The following ST7 variants were observed in gnomAD, a reference collection of about 807,000 sequenced individuals.
The protein encoded by ST7 is suppression of tumorigenicity 7, also known as suppressor of tumorigenicity 7 protein.
Under a neutral mutation model 78.7 loss-of-function variants are expected in ST7, and 28 were observed. The ratio of observed to expected loss-of-function variants is 0.36; its 90% CI spans 0.26 to 0.49. The LOEUF (loss-of-function observed/expected upper bound fraction) is 0.49. Among genes scored for constraint, ST7 ranks in the 20% least tolerant of loss-of-function variants. The pLI is 0.99. For missense variants in ST7, 418 were observed against 696.0 expected (o/e 0.60, Z 4.49); for synonymous variants, 247 against 249.6 (o/e 0.99, Z 0.10).
intron 2 of ST7, among the ~76,000 whole-genome samples, chr7:117,109,751 C>T (rs1396253500): frequency 1.3e-5 from 2 of 152,146 alleles, no homozygotes; most frequent in South Asian, 2.1e-4. Context: ...AATAAAACTA[C>T]AGATCAATAT....
intron 1 of ST7, chr7:116,972,918 C>T (rs1793505850): frequency 2.3e-6 from 3 of 1,313,598 alleles, no homozygotes; most frequent in South Asian, 2.4e-5. Context: ...CCATGGTGCC[C>T]ACTCAGCTAC....
intron 1 of ST7, chr7:116,972,648 C>T: frequency 3.4e-6 from 4 of 1,182,858 alleles, no homozygotes; most frequent in East Asian, 4.7e-5. Context: ...TCATACCTCT[C>T]TCACTCTCAT....
chr7:117,217,300 C>CA (rs899414755), intron 13 of ST7, among the ~76,000 whole-genome samples: 164 of 138,862 alleles, frequency 1.2e-3, no homozygotes, highest in East Asian at 0.01. Context: ...AAAAAAAAAA[C>CA]AAAAAAAAAA....
intron 10 of ST7, among the ~76,000 whole-genome samples, chr7:117,178,333 C>G (rs1344197678): frequency 6.6e-6 from 1 of 152,018 alleles, no homozygotes; most frequent in Non-Finnish European, 1.5e-5. Context: ...TGTTAAAAAA[C>G]AAAAATACAA....
At chr7:117,066,774 A>G (rs935921392) in intron 1 of ST7, among the ~76,000 whole-genome samples, 2 of 151,804 alleles carry the variant, frequency 1.3e-5, no homozygotes, top group African/African-American at 4.8e-5. Flanking sequence ...CAAAAAAAAA[A>G]AAAAAAAAAA....
At position 117,107,660 on chromosome 7, in the gene ST7, C is replaced by T. The variant is rs376082836; in HGVS notation, c.234+7816C>T. Among the ~76,000 whole-genome samples the T allele has an allele frequency of 7.9e-5, 10 of 127,150 alleles. No homozygotes were observed. The East Asian group carries it at 2.1e-3, about 27-fold the overall frequency. 83.4% of individuals were successfully genotyped at this position (127,150 alleles called of 152,430 possible). On this transcript the variant is annotated intron_variant, in intron 2 of 15. Coordinates refer to ENST00000323984, the MANE Select transcript of ST7 (RefSeq NM_001369598.1). ...AGAATTTTCACTCTTGTTGCCCAGG[C>T]TGGAGTGCAATGGCACAATCTCGGC...
chr7:117,151,559 A>G (rs1485089125), intron 9 of ST7, among the ~76,000 whole-genome samples: 1 of 151,524 alleles, frequency 6.6e-6, no homozygotes, highest in African/African-American at 2.4e-5. Flanking sequence ...TTTCTTATCT[A>G]TTTTTCTTAT....
chr7:117,177,580 T>C (rs553186132), intron 10 of ST7, among the ~76,000 whole-genome samples: 1 of 152,328 alleles, frequency 6.6e-6, no homozygotes, highest in South Asian at 2.1e-4. Context: ...TTTGGCTTTG[T>C]AGCGTAAGAC....
chr7:117,059,698 C>T (rs768024704), intron 1 of ST7, among the ~76,000 whole-genome samples: 6 of 148,882 alleles, frequency 4.0e-5, no homozygotes, highest in Non-Finnish European at 7.4e-5. Flanking sequence ...TGGCCAGGCA[C>T]GGTGGCTTTT....
At chr7:117,034,346 A>G (rs1366375815) in intron 1 of ST7, among the ~76,000 whole-genome samples, 1 of 152,200 alleles carries the variant, frequency 6.6e-6, no homozygotes. Flanking sequence ...GTTATTGCTT[A>G]TCCTTCCAAT....
At chr7:116,962,752 G>T in intron 1 of ST7, among the ~76,000 whole-genome samples, 1 of 152,172 alleles carries the variant, frequency 6.6e-6, no homozygotes, top group Admixed American at 6.5e-5. Flanking sequence ...TCACTCTGAT[G>T]ATAGTTTCTT....
chr7:117,194,138 A>G (rs965997243), intron 12 of ST7, among the ~76,000 whole-genome samples: 3 of 152,192 alleles, frequency 2.0e-5, no homozygotes, highest in South Asian at 2.1e-4. Flanking sequence ...GAATTTCTGA[A>G]GTATTAGATT....
intron 1 of ST7, among the ~76,000 whole-genome samples, chr7:116,980,465 C>T (rs541800853): frequency 4.5e-4 from 69 of 152,206 alleles, no homozygotes; most frequent in Non-Finnish European, 7.8e-4. Context: ...ACTTTTCCCT[C>T]GAGAGTTTTA....
At chr7:117,223,546 C>G (rs1277719662) in intron 15 of ST7, 1 of 156,646 alleles carries the variant, frequency 6.4e-6, no homozygotes, top group Non-Finnish European at 1.4e-5. Flanking sequence ...CCCAGATGTA[C>G]CAGGCTCTCG....
intron 9 of ST7, among the ~76,000 whole-genome samples, chr7:117,151,260 G>A (rs937425147): frequency 1.3e-5 from 2 of 152,178 alleles, no homozygotes; most frequent in African/African-American, 2.4e-5. Context: ...TGTGGTCTGC[G>A]AGGCCTCACA....
intron 1 of ST7, among the ~76,000 whole-genome samples, chr7:116,988,948 A>G (rs1450961652): frequency 6.6e-6 from 1 of 152,218 alleles, no homozygotes; most frequent in Non-Finnish European, 1.5e-5. Flanking sequence ...GGACACAAAA[A>G]TGATTTAGAT....
At chr7:116,959,577 A>C in intron 1 of ST7, 1 of 196,138 alleles carries the variant, frequency 5.1e-6, no homozygotes, top group Non-Finnish European at 1.0e-5. Flanking sequence ...ATTACTGAGT[A>C]TGTGCCCCAT....
intron 1 of ST7, among the ~76,000 whole-genome samples, chr7:117,010,095 C>T (rs900485306): frequency 1.3e-5 from 2 of 152,206 alleles, no homozygotes; most frequent in African/African-American, 4.8e-5. Flanking sequence ...TGATTGTTAT[C>T]TGTGAAAGTA....
intron 1 of ST7, among the ~76,000 whole-genome samples, chr7:117,003,161 T>A (rs113321094): frequency 0.014 from 2,178 of 151,902 alleles, 33 homozygotes; most frequent in African/African-American, 0.042. Flanking sequence ...TATTATTATT[T>A]TTTTTTTGAG....
Sources: allele counts gnomAD v4.1 joint callset (sites outside exome capture counted in the v4.1 genomes callset), GRCh38; gene constraint gnomAD v4.1.1; transcripts MANE v1.5; gene names NCBI Gene and HGNC (gene_info 2026-07-23, HGNC 2026-07-21).